Variants in TAFA2 observed in about 807,000 individuals in gnomAD.
The protein encoded by TAFA2 is chemokine-like protein TAFA-2.
A neutral mutation model predicts 18.8 loss-of-function variants in TAFA2; 7 were observed. That is an observed-to-expected ratio of 0.37 (90% confidence interval 0.21 to 0.70). The LOEUF (loss-of-function observed/expected upper bound fraction) is 0.70. Ranked by LOEUF, TAFA2 falls within the 30% of genes least tolerant of loss-of-function variation. The pLI, the probability that TAFA2 is intolerant of heterozygous loss-of-function variation, is 0.53. For synonymous variants in TAFA2, 60 were observed against 54.2 expected (o/e 1.11, Z -0.47); for missense variants, 122 against 158.1 (o/e 0.77, Z 1.23).
intron 2 of TAFA2, among the ~76,000 whole-genome samples, chr12:61,838,814 G>A (rs972958939): frequency 5.9e-5 from 9 of 151,978 alleles, no homozygotes; most frequent in East Asian, 1.9e-4. Context: ...TCCAGAAAAC[G>A]TTATTAAAAG....
rs531181591 is a variant in TAFA2, at chr12:61,930,207, C to T, written c.-1-62781G>A. Among the ~76,000 whole-genome samples, 7 of 151,894 alleles carry T rather than the reference C, an allele frequency of 4.6e-5. No individual in the cohort carries two copies. In the South Asian group the frequency reaches 1.3e-3, roughly 27 times the overall value. On this transcript the variant is annotated intron_variant, in intron 1 of 4. Coordinates refer to ENST00000416284, the MANE Select transcript of TAFA2 (RefSeq NM_178539.5). ...CGGGAAGAGAAGGGCAATTGAGAAACCTTGAATCTGTTTACACAAAATAGA... is the reference window on the plus strand; with the variant it reads ...CGGGAAGAGAAGGGCAATTGAGAAATCTTGAATCTGTTTACACAAAATAGA...
intron 2 of TAFA2, among the ~76,000 whole-genome samples, chr12:61,811,041 TCACTA>T (rs1871846265): frequency 6.6e-6 from 1 of 150,892 alleles, no homozygotes; most frequent in African/African-American, 2.5e-5. Flanking sequence ...TGTAGACAAA[TCACTA>T]CACAGTAAAG....
At chr12:61,996,311 C>A (rs1227907861) in intron 1 of TAFA2, among the ~76,000 whole-genome samples, 1 of 151,296 alleles carries the variant, frequency 6.6e-6, no homozygotes, top group East Asian at 1.9e-4. Context: ...TCAGAAACCT[C>A]CTGTGACCCA....
rs565269210 is a variant in TAFA2 at position 61,992,856 on chromosome 12, T to C, written c.-1-125430A>G. 2.0e-5 allele frequency among the ~76,000 whole-genome samples: 3 copies of C among 152,334 alleles called. No homozygotes were observed. In the South Asian group the frequency reaches 6.2e-4, roughly 32 times the overall value. ...TCAAGAAAAATGCCTTGTGATTTCCTATGTTTGTTGAAAGAATAGACTGAA... is the reference window on the plus strand; with the variant it reads ...TCAAGAAAAATGCCTTGTGATTTCCCATGTTTGTTGAAAGAATAGACTGAA... On this transcript the variant is annotated intron_variant, in intron 1 of 4. Coordinates refer to ENST00000416284, the MANE Select transcript of TAFA2 (RefSeq NM_178539.5).
chr12:61,884,585 G>T (rs1203622331), intron 1 of TAFA2, among the ~76,000 whole-genome samples: 1 of 152,080 alleles, frequency 6.6e-6, no homozygotes, highest in Non-Finnish European at 1.5e-5. Context: ...TTAAAAACTA[G>T]AGATGCTAAA....
intron 1 of TAFA2, among the ~76,000 whole-genome samples, chr12:62,102,906 T>C (rs1173051986): frequency 2.0e-5 from 3 of 152,234 alleles, no homozygotes; most frequent in Admixed American, 2.0e-4. Context: ...TGTATCTGTC[T>C]TATCAGCAGT....
In TAFA2 at chr12:61,839,192, G is replaced by A. The variant is rs569492648; in HGVS notation, c.106+28128C>T. On this transcript the variant is annotated intron_variant, in intron 2 of 4. Coordinates refer to ENST00000416284, the MANE Select transcript of TAFA2 (RefSeq NM_178539.5). Reference sequence around the variant, plus strand: ...AAAGATGTAAACAGCAATGCTCTACGTGCTGAGATGCAAAGATGCAGATGA... The same window carrying A: ...AAAGATGTAAACAGCAATGCTCTACATGCTGAGATGCAAAGATGCAGATGA... 4.3e-4 allele frequency among the ~76,000 whole-genome samples: 66 copies of A among 152,170 alleles called. 1 individual carries two copies. In the South Asian group the frequency reaches 0.012, roughly 28 times the overall value.
chr12:61,862,442 T>A (rs984918424), intron 2 of TAFA2, among the ~76,000 whole-genome samples: 3 of 152,224 alleles, frequency 2.0e-5, no homozygotes, highest in Non-Finnish European at 4.4e-5. Context: ...TTTCTGATTT[T>A]TAGATACCCA....
intron 4 of TAFA2, among the ~76,000 whole-genome samples, chr12:61,747,931 T>G (rs1326778750): frequency 6.6e-6 from 1 of 151,620 alleles, no homozygotes; most frequent in Non-Finnish European, 1.5e-5. Context: ...ATATTTAAAA[T>G]TAAAATGTGG....
intron 2 of TAFA2, among the ~76,000 whole-genome samples, chr12:61,841,647 A>G (rs1167777753): frequency 1.3e-5 from 2 of 152,078 alleles, no homozygotes; most frequent in African/African-American, 4.8e-5. Context: ...GTTTTCATAC[A>G]AATTTCAGGA....
At chr12:62,088,482 G>C (rs1868553816) in intron 1 of TAFA2, among the ~76,000 whole-genome samples, 1 of 151,874 alleles carries the variant, frequency 6.6e-6, no homozygotes, top group Non-Finnish European at 1.5e-5. Flanking sequence ...CATGGAACCG[G>C]GTCTTTGGTC....
intron 1 of TAFA2, among the ~76,000 whole-genome samples, chr12:62,210,521 C>T (rs1018017961): frequency 6.6e-6 from 1 of 152,154 alleles, no homozygotes; most frequent in Non-Finnish European, 1.5e-5. Flanking sequence ...CACCCAGCGT[C>T]AAAACAGGGC....
chr12:62,000,188 A>G (rs1565711048), intron 1 of TAFA2, among the ~76,000 whole-genome samples: 1 of 147,850 alleles, frequency 6.8e-6, no homozygotes, highest in Non-Finnish European at 1.5e-5. Context: ...TATTAGTTTA[A>G]CCCTGTACAT....
intron 1 of TAFA2, among the ~76,000 whole-genome samples, chr12:62,006,803 C>T (rs1880566711): frequency 1.3e-5 from 2 of 152,066 alleles, no homozygotes; most frequent in Admixed American, 6.6e-5. Flanking sequence ...CATTAGTAAG[C>T]CCCCATCAAC....
At chr12:62,230,173 T>C (rs534431571) in intron 1 of TAFA2, among the ~76,000 whole-genome samples, 5 of 39,570 alleles carry the variant, frequency 1.3e-4, no homozygotes, top group Non-Finnish European at 2.1e-4. Flanking sequence ...AAAAACTAAC[T>C]TTTAATTGAT....
chr12:61,828,856 C>T (rs993778177), intron 2 of TAFA2, among the ~76,000 whole-genome samples: 5 of 151,742 alleles, frequency 3.3e-5, no homozygotes, highest in Non-Finnish European at 7.4e-5. Flanking sequence ...TCTTGGCCTT[C>T]ACCAACAGTA....
intron 4 of TAFA2, among the ~76,000 whole-genome samples, chr12:61,743,475 C>T (rs922613503): frequency 6.6e-6 from 1 of 152,014 alleles, no homozygotes; most frequent in Admixed American, 6.6e-5. Context: ...TGCTTTAATT[C>T]CCTGAGGTAA....
At chr12:62,156,903 T>C (rs1378240389) in intron 1 of TAFA2, among the ~76,000 whole-genome samples, 1 of 152,156 alleles carries the variant, frequency 6.6e-6, no homozygotes, top group Non-Finnish European at 1.5e-5. Flanking sequence ...ATTTAAAAAC[T>C]ATATGTGATT....
At chr12:62,181,027 A>C (rs1234439808) in intron 1 of TAFA2, among the ~76,000 whole-genome samples, 1 of 152,246 alleles carries the variant, frequency 6.6e-6, no homozygotes, top group Non-Finnish European at 1.5e-5. Flanking sequence ...TCTCCAGGTT[A>C]CAATAAATTA....
Sources: gnomAD v4.1 joint callset for allele counts (sites outside exome capture counted in the v4.1 genomes callset) on GRCh38, gnomAD v4.1.1 for gene constraint, MANE v1.5 for transcripts, NCBI Gene and HGNC (gene_info 2026-07-23, HGNC 2026-07-21) for gene names.